SLC25A15: variants seen among roughly 807,000 people sequenced by gnomAD.
SLC25A15 encodes the protein solute carrier family 25 member 15.
A neutral mutation model predicts 32.3 loss-of-function variants in SLC25A15; 24 were observed. The ratio of observed to expected loss-of-function variants is 0.74; its 90% CI spans 0.54 to 1.04. SLC25A15 has a LOEUF of 1.04. SLC25A15 is among the 50% of genes least tolerant of loss of function. The pLI, the probability that SLC25A15 is intolerant of heterozygous loss-of-function variation, is 0.00. For missense variants in SLC25A15, 317 were observed against 374.5 expected, an observed-to-expected ratio of 0.85 and a Z score of 1.27; for synonymous variants, 132 against 142.1, an observed-to-expected ratio of 0.93 and a Z score of 0.51.
At chr13:40,790,745 G>A (rs907134155) in intron 1 of SLC25A15, among the ~76,000 whole-genome samples, 2 of 152,052 alleles carry the variant, frequency 1.3e-5, no homozygotes, top group African/African-American at 2.4e-5. Context: ...GGCCCACCAC[G>A]CCAGGCTAAT....
chr13:40,789,861 C>T (rs563387398), intron 1 of SLC25A15, among the ~76,000 whole-genome samples, 198 bp downstream of exon 1: 1 of 152,264 alleles, frequency 6.6e-6, no homozygotes, highest in African/African-American at 2.4e-5. Context: ...CTGCAGTGCC[C>T]ACCTGGTGGG....
At chr13:40,798,828 GTCTC>G in intron 2 of SLC25A15, 2 of 985,382 alleles carry the variant, frequency 2.0e-6, no homozygotes, top group Non-Finnish European at 2.4e-6. Flanking sequence ...ACACATGTCT[GTCTC>G]TCTCCCCTGC....
rs776523157 is a variant in SLC25A15, at chr13:40,808,492, C to T, written c.677C>T (p.Ala226Val). 2.0e-5 allele frequency: 32 copies of T among 1,613,096 alleles called. No homozygotes were observed. Among genetic ancestry groups the T allele is most frequent in the African/African-American group, 1.1e-4 (8 of 74,840 alleles). Residue 226 changes from alanine to valine, a missense_variant, in exon 6 of 7, where the codon GCG (alanine) becomes GTG (valine). Coordinates refer to ENST00000338625, the MANE Select transcript of SLC25A15 (RefSeq NM_014252.4). ...GGVGGICLWL[A>V]VYPVDCIKSR... ...GTTGGTGGGATTTGCCTCTGGCTTG[C>T]GGTATACCCAGTGGATTGTATCAAA...
intron 2 of SLC25A15, among the ~76,000 whole-genome samples, chr13:40,795,002 C>T (rs1881624079): frequency 1.3e-5 from 2 of 152,196 alleles, no homozygotes; most frequent in African/African-American, 2.4e-5. Flanking sequence ...GCACTTCTCC[C>T]AGGGCAGAAC....
intron 3 of SLC25A15, among the ~76,000 whole-genome samples, chr13:40,804,176 C>G (rs1882036895): frequency 6.6e-6 from 1 of 152,108 alleles, no homozygotes; most frequent in East Asian, 1.9e-4. Context: ...TCACTGTGTC[C>G]TCATATGGCA....
At position 40,809,742 on chromosome 13, in the gene SLC25A15, G is replaced by T; in HGVS notation, c.*75G>T. On this transcript the variant is annotated 3_prime_UTR_variant, in exon 7 of 7. Transcript: ENST00000338625. ...CATCTCAGGGTTTCTTGGAGTACAA[G>T]ACCAGTGTGAAGTTATTCTGATTTC... 1 of 1,516,328 alleles carries T rather than the reference G, an allele frequency of 6.6e-7. No individual in the cohort carries two copies. The highest frequency in any genetic ancestry group is 9.1e-7 in the Non-Finnish European group (1 of 1,096,378). The allele number at this position is 1,516,328 out of a possible 1,614,324, so 93.9% of individuals were successfully genotyped here. A position where few individuals can be genotyped will look rare whatever the true frequency, so the allele number is the denominator to read the frequency against.
In SLC25A15 at chr13:40,805,835, ACATTCT is replaced by A. The variant is rs1231163679; in HGVS notation, c.452+585_452+590del. Among the ~76,000 whole-genome samples, 12 of 152,356 alleles carry A rather than the reference ACATTCT, an allele frequency of 7.9e-5. No homozygotes were observed. In the East Asian group the frequency reaches 2.1e-3, roughly 27 times the overall value. On this transcript the variant is annotated intron_variant, in intron 4 of 6. Transcript: ENST00000338625. ...CACTCTCTAGCTCACTCTTGAAAAC[ACATTCT>A]CATTATCCTTTGAGAGTACTGTTTC...
chr13:40,810,644 G>T lies in SLC25A15; in HGVS notation c.*977G>T. 2.3e-6 allele frequency: 1 copy of T among 437,576 alleles called. No individual in the cohort carries two copies. Among genetic ancestry groups the T allele is most frequent in the East Asian group, 5.7e-5 (1 of 17,404 alleles). The allele number at this position is 437,576 out of a possible 1,614,324, so 27.1% of individuals were successfully genotyped here. On this transcript the variant is annotated 3_prime_UTR_variant, in exon 7 of 7. Transcript: ENST00000338625. ...TTAAAATAGTGCCATTCATTTTCTA[G>T]GTGGGATCATATTCCACGCTGACTA... is the stretch of plus-strand genomic sequence containing the variant.
At position 40,805,201 on chromosome 13, in the gene SLC25A15, G is replaced by A. The variant is rs186892167; in HGVS notation, c.398G>A (p.Arg133Gln). The A allele has an allele frequency of 3.7e-5, 60 of 1,614,030 alleles. No homozygotes were observed. Among genetic ancestry groups the A allele is most frequent in the Admixed American group, 1.3e-4 (8 of 59,996 alleles). ...TGCCCCACGGAGCTCGTGAAGTGCC[G>A]GCTGCAGACCATGTATGAGATGGAG... is the stretch of plus-strand genomic sequence containing the variant. ...VLCPTELVKCRLQTMYEMETS... is the reference protein window; with the variant it reads ...VLCPTELVKCQLQTMYEMETS... The change falls in exon 4 of 7, where the codon CGG becomes CAG. Residue 133 changes from arginine to glutamine, a missense_variant. Arg to Gln is a conservative substitution (Grantham distance 43). Transcript: ENST00000338625.
intron 2 of SLC25A15, among the ~76,000 whole-genome samples, chr13:40,795,794 G>C (rs557548982): frequency 2.0e-5 from 3 of 152,320 alleles, no homozygotes; most frequent in South Asian, 4.1e-4. Flanking sequence ...GAGTCTTGGA[G>C]TGCTGGAGCT....
At chr13:40,801,488 A>C (rs1470245366) in intron 3 of SLC25A15, among the ~76,000 whole-genome samples, 1 of 152,174 alleles carries the variant, frequency 6.6e-6, no homozygotes, top group African/African-American at 2.4e-5. Flanking sequence ...TGAGGTGCCG[A>C]TGTTGACCTG....
intron 1 of SLC25A15, 81 bp downstream of exon 1, chr13:40,789,744 C>A (rs1000450910): frequency 1.3e-5 from 2 of 152,056 alleles, no homozygotes; most frequent in Non-Finnish European, 2.9e-5. Context: ...GCGGGGCGGG[C>A]CTCGGTGTGC....
rs1466118877 is a variant in SLC25A15, at chr13:40,811,664, A to G, written c.*1997A>G. On this transcript the variant is annotated 3_prime_UTR_variant, in exon 7 of 7. Transcript: ENST00000338625. ...GTATAAGAGGATCATTCTTGTCACT[A>G]CTTAAGTTAGCCTCATCATTTTGTG... Among the ~76,000 whole-genome samples, 1 of 152,152 alleles carries G rather than the reference A, an allele frequency of 6.6e-6. No homozygotes were observed. Among genetic ancestry groups the G allele is most frequent in the Non-Finnish European group, 1.5e-5 (1 of 68,030 alleles).
intron 2 of SLC25A15, 46 bp downstream of exon 2, chr13:40,793,327 G>T (rs1172568507): frequency 6.6e-7 from 1 of 1,511,192 alleles, no homozygotes; most frequent in Non-Finnish European, 9.2e-7. Flanking sequence ...TTGATGGATG[G>T]TGTATCTGAT....
chr13:40,798,279 C>CAAAAAAA (rs5803069), intron 2 of SLC25A15, among the ~76,000 whole-genome samples: 2 of 123,214 alleles, frequency 1.6e-5, no homozygotes, highest in Non-Finnish European at 1.8e-5. Flanking sequence ...GACACCATCT[C>CAAAAAAA]AAAAAAAAAA....
At chr13:40,802,862 G>GTGCC (rs1881953506) in intron 3 of SLC25A15, among the ~76,000 whole-genome samples, 2 of 151,888 alleles carry the variant, frequency 1.3e-5, no homozygotes, top group Non-Finnish European at 2.9e-5. Flanking sequence ...GTGAGCCACC[G>GTGCC]TGCCCTGCCC....
At position 40,799,310 on chromosome 13, in the gene SLC25A15, G is replaced by A. The variant is rs960074415; in HGVS notation, c.309G>A (p.Lys103=). The A allele has an allele frequency of 5.6e-6, 9 of 1,614,038 alleles. No homozygotes were observed. Among genetic ancestry groups the A allele is most frequent in the Non-Finnish European group, 7.6e-6 (9 of 1,180,040 alleles). Residue 103 remains lysine, a synonymous_variant, in exon 3 of 7, where the codon AAG becomes AAA. Transcript: ENST00000338625. ...TGGCTGGATTGGACAAGCAGGCAAA[G>A]CTGAGGTGAGTCAAGGACACACACT... ...RKVAGLDKQA[K]LSDLQNAAAG...
At chr13:40,795,564 C>T (rs1255924881) in intron 2 of SLC25A15, among the ~76,000 whole-genome samples, 5 of 152,098 alleles carry the variant, frequency 3.3e-5, no homozygotes, top group Admixed American at 1.3e-4. Context: ...CCTGTGCTGG[C>T]GACACAGGGA....
intron 4 of SLC25A15, among the ~76,000 whole-genome samples, chr13:40,806,473 G>A (rs775415573): frequency 9.9e-5 from 15 of 152,194 alleles, no homozygotes; most frequent in South Asian, 4.1e-4. Flanking sequence ...GCTAAGACTC[G>A]GATTGGAAGG....
Sources: gnomAD v4.1 joint callset for allele counts (sites outside exome capture counted in the v4.1 genomes callset) on GRCh38, gnomAD v4.1.1 for gene constraint, MANE v1.5 for transcripts, NCBI Gene and HGNC (gene_info 2026-07-23, HGNC 2026-07-21) for gene names.